The following NOS1 variants were observed in gnomAD, a reference collection of about 807,000 sequenced individuals.
NOS1 encodes NOS type I.
A neutral mutation model predicts 164.5 loss-of-function variants in NOS1; 51 were observed. That is an observed-to-expected ratio of 0.31 (90% CI 0.25 to 0.39). The LOEUF is 0.39. NOS1 is among the 10% of genes least tolerant of loss of function. The pLI is 1.00. For missense variants in NOS1, 1,362 were observed against 1,885.6 expected (o/e 0.72, Z 5.14); for synonymous variants, 719 against 745.8 (o/e 0.96, Z 0.59).
chr12:117,269,921 A>G (rs899594854), intron 10 of NOS1, among the ~76,000 whole-genome samples: 10 of 152,272 alleles, frequency 6.6e-5, no homozygotes, highest in African/African-American at 2.4e-4. Flanking sequence ...GCCAGACTCC[A>G]TCTGACACAT....
At chr12:117,290,525 C>A in intron 3 of NOS1, 99 bp from the exon 4 acceptor site, 1 of 1,418,176 alleles carries the variant, frequency 7.1e-7, no homozygotes, top group East Asian at 2.4e-5. Flanking sequence ...TTCCTGGGAT[C>A]TGCCTTGAGT....
chr12:117,331,164 G>T lies in NOS1; in HGVS notation c.-95C>A. 1 of 1,467,534 alleles carries T rather than the reference G, an allele frequency of 6.8e-7. No homozygotes were observed. Among genetic ancestry groups the T allele is most frequent in the Non-Finnish European group, 9.2e-7 (1 of 1,089,086 alleles). The allele number at this position is 1,467,534 out of a possible 1,614,324, so 90.9% of individuals were successfully genotyped here. On this transcript the variant is annotated 5_prime_UTR_variant, in exon 2 of 29. Transcript: ENST00000317775. The stretch of plus-strand genomic sequence containing the variant: ...GAGGATCCAGGCTTCAGGCTACACG[G>T]AGAGCAGGAGCCGGGGTGACAGGTG...
intron 1 of NOS1, among the ~76,000 whole-genome samples, chr12:117,358,503 C>G (rs555443937): frequency 6.6e-6 from 1 of 152,358 alleles, no homozygotes; most frequent in Non-Finnish European, 1.5e-5. Context: ...ACACTCTTCC[C>G]TCTGTTTCGG....
At chr12:117,357,604 G>T (rs925060791) in intron 1 of NOS1, among the ~76,000 whole-genome samples, 1 of 152,112 alleles carries the variant, frequency 6.6e-6, no homozygotes. Flanking sequence ...TTTGTACAAC[G>T]AGGGTGACAG....
intron 3 of NOS1, 37 bp from the exon 4 acceptor site, chr12:117,290,463 C>A: frequency 6.3e-7 from 1 of 1,587,910 alleles, no homozygotes; most frequent in Non-Finnish European, 8.6e-7. Flanking sequence ...TGAGGCAGGG[C>A]CTTGAGTGGA....
In NOS1 at chr12:117,214,789, C is replaced by G. The variant is rs898281649; in HGVS notation, c.*520G>C. 1 of 983,802 alleles carries G rather than the reference C, an allele frequency of 1.0e-6. No homozygotes were observed. Among genetic ancestry groups the G allele is most frequent in the Non-Finnish European group, 1.2e-6 (1 of 829,942 alleles). The allele number at this position is 983,802 out of a possible 1,614,324, so 60.9% of individuals were successfully genotyped here. ...AATGAAAGCAGTGGCAATCTAAGAT[C>G]GACACACTTGTGCAGGGAAGAGGAC... On this transcript the variant is annotated 3_prime_UTR_variant, in exon 29 of 29. Transcript: ENST00000317775.
chr12:117,234,507 G>A lies in NOS1; in HGVS notation c.3235+58C>T, dbSNP rs56146853. Reference sequence around the variant, plus strand: ...TGGGAAGAAAAGGTATCTTCTTCCCGAGACACCCACTGCCTCTGCAGCTCC... The same window carrying A: ...TGGGAAGAAAAGGTATCTTCTTCCCAAGACACCCACTGCCTCTGCAGCTCC... On this transcript the variant is annotated intron_variant, in intron 21 of 28. Transcript: ENST00000317775. The surrounding 1 kb of genome is among the most constrained non-coding windows in gnomAD (Gnocchi z 4.3). 507 of 1,542,366 alleles carry A rather than the reference G, an allele frequency of 3.3e-4. 3 individuals carry two copies. The highest frequency in any genetic ancestry group is 3.2e-3 in the Admixed American group (176 of 55,802).
chr12:117,271,030 G>A (rs921539929), intron 10 of NOS1, among the ~76,000 whole-genome samples: 7 of 152,062 alleles, frequency 4.6e-5, no homozygotes, highest in African/African-American at 1.2e-4. Flanking sequence ...GTGACAGAGC[G>A]AGACTCCATT....
At chr12:117,315,959 T>C (rs1874648658) in intron 2 of NOS1, among the ~76,000 whole-genome samples, 1 of 152,196 alleles carries the variant, frequency 6.6e-6, no homozygotes, top group Non-Finnish European at 1.5e-5. Context: ...AAGTCATCTC[T>C]GTCTAGTAGA....
Position 117,214,655 on chromosome 12 carries a change from C to G in NOS1, c.*654G>C. On this transcript the variant is annotated 3_prime_UTR_variant, in exon 29 of 29. Transcript: ENST00000317775. ...TGCCCTGAACCCTTTCTAACTAGAA[C>G]AATTATGGGGCTTCCAAATGTTTCA... 1 of 985,400 alleles carries G rather than the reference C, an allele frequency of 1.0e-6. No homozygotes were observed. The highest frequency in any genetic ancestry group is 1.2e-6 in the Non-Finnish European group (1 of 829,932). The allele number at this position is 985,400 out of a possible 1,614,324, so 61.0% of individuals were successfully genotyped here. A position where few individuals can be genotyped will look rare whatever the true frequency, so the allele number is the denominator to read the frequency against.
Position 117,330,328 on chromosome 12 carries a change from A to ACT in NOS1, c.725+16_725+17insAG, listed in dbSNP as rs369055988. 11 of 1,595,098 alleles carry ACT rather than the reference A, an allele frequency of 6.9e-6. No individual in the cohort carries two copies. Among genetic ancestry groups the ACT allele is most frequent in the Non-Finnish European group, 9.4e-6 (11 of 1,169,944 alleles). On this transcript the variant is annotated intron_variant, in intron 2 of 28. Transcript: ENST00000317775. This position sits in a 1 kb window ranked among gnomAD's most constrained non-coding sequence, Gnocchi z 4.6. ...CACACACACACACACACACACACACACCCCTGTGGAGCTTACCTGTCCACC... is the reference window on the plus strand; with the variant it reads ...CACACACACACACACACACACACACACTCCCCTGTGGAGCTTACCTGTCCACC...
chr12:117,335,192 CTG>C (rs1875747596), intron 1 of NOS1, among the ~76,000 whole-genome samples: 2 of 152,126 alleles, frequency 1.3e-5, no homozygotes, highest in Admixed American at 1.3e-4. Flanking sequence ...ACTTTCTACT[CTG>C]TCACTGTCCA....
At chr12:117,254,872 C>A (rs182748296) in intron 16 of NOS1, among the ~76,000 whole-genome samples, 41 of 152,268 alleles carry the variant, frequency 2.7e-4, no homozygotes, top group African/African-American at 9.4e-4. Flanking sequence ...TACTGTCCTT[C>A]CATAAAGTTA....
Position 117,209,406 on chromosome 12 carries a change from A to T in NOS1, c.*5903T>A. ...ATGCCAATAGTGCTAAGGTTGACAG[A>T]CCCTGCGCTACAGTCTCCTAGAACT... On this transcript the variant is annotated 3_prime_UTR_variant, in exon 29 of 29. Transcript: ENST00000317775. 1.0e-6 allele frequency: 1 copy of T among 985,456 alleles called. No individual in the cohort carries two copies. Among genetic ancestry groups the T allele is most frequent in the Non-Finnish European group, 1.2e-6 (1 of 829,966 alleles). The allele number at this position is 985,456 out of a possible 1,614,324, so 61.0% of individuals were successfully genotyped here.
At chr12:117,303,355 T>C (rs539926873) in intron 3 of NOS1, among the ~76,000 whole-genome samples, 4 of 152,166 alleles carry the variant, frequency 2.6e-5, no homozygotes, top group Non-Finnish European at 4.4e-5. Flanking sequence ...GTCATTTACC[T>C]GGAAATAGGG....
intron 20 of NOS1, 40 bp downstream of exon 20, chr12:117,242,587 G>T: frequency 6.5e-7 from 1 of 1,535,370 alleles, no homozygotes; most frequent in South Asian, 1.1e-5. Flanking sequence ...TGGCATTTGG[G>T]AGAAGACGTA....
chr12:117,283,061 T>C (rs58084559), intron 7 of NOS1, among the ~76,000 whole-genome samples: 1 of 142,000 alleles, frequency 7.0e-6, no homozygotes, highest in Non-Finnish European at 1.5e-5. Flanking sequence ...TATATATTTT[T>C]TTTTTTTTTT....
intron 1 of NOS1, among the ~76,000 whole-genome samples, chr12:117,350,864 A>G (rs1876580761): frequency 6.6e-6 from 1 of 152,234 alleles, no homozygotes; most frequent in Non-Finnish European, 1.5e-5. Flanking sequence ...CTGTAATCCC[A>G]GCCCTTTGGG....
chr12:117,337,106 C>CTT lies in NOS1; in HGVS notation c.-420-5619_-420-5618dup, dbSNP rs36054002. 8.6e-3 allele frequency among the ~76,000 whole-genome samples: 556 copies of CTT among 64,312 alleles called. 59 individuals are homozygous for CTT. The highest frequency in any genetic ancestry group is 0.012 in the Non-Finnish European group (424 of 34,438). The allele number at this position is 64,312 out of a possible 152,430, so 42.2% of individuals were successfully genotyped here. On this transcript the variant is annotated intron_variant, in intron 1 of 28. Coordinates refer to ENST00000317775, the MANE Select transcript of NOS1 (RefSeq NM_000620.5). ...CCACTGTACCCAGCTGCTTTTTACTCTTTTTTTTTTTTTTTTTTTTTTTTT... is the reference window on the plus strand; with the variant it reads ...CCACTGTACCCAGCTGCTTTTTACTCTTTTTTTTTTTTTTTTTTTTTTTTTTT...
Sources: gnomAD v4.1 joint callset for allele counts (sites outside exome capture counted in the v4.1 genomes callset) on GRCh38, gnomAD v4.1.1 for gene constraint, Gnocchi (gnomAD v3.1) non-coding constraint, MANE v1.5 for transcripts, NCBI Gene and HGNC (gene_info 2026-07-23, HGNC 2026-07-21) for gene names.